Variants in ST6GALNAC3 observed in about 807,000 individuals in gnomAD.
ST6GALNAC3 encodes ST6 N-acetylgalactosaminide alpha-2,6-sialyltransferase 3, also known as alpha-N-acetylgalactosaminide alpha-2,6-sialyltransferase 3.
ST6GALNAC3 carries 25 observed loss-of-function variants against 32.7 expected under a neutral mutation model. That is an observed-to-expected ratio of 0.76 (90% CI 0.56 to 1.07). ST6GALNAC3 has a LOEUF of 1.07. Among genes scored for constraint, ST6GALNAC3 ranks in the 50% least tolerant of loss-of-function variants. ST6GALNAC3 has a pLI of 0.00. For missense variants in ST6GALNAC3, 355 were observed against 382.4 expected (o/e 0.93, Z 0.60); for synonymous variants, 129 against 133.1 (o/e 0.97, Z 0.21).
chr1:76,347,141 T>G (rs1040956373), intron 2 of ST6GALNAC3, among the ~76,000 whole-genome samples: 1 of 152,152 alleles, frequency 6.6e-6, no homozygotes, highest in Non-Finnish European at 1.5e-5. Flanking sequence ...CTGATTACAG[T>G]CTAGCCTCTG....
At chr1:76,130,480 T>C (rs1340552535) in intron 1 of ST6GALNAC3, among the ~76,000 whole-genome samples, 1 of 152,192 alleles carries the variant, frequency 6.6e-6, no homozygotes, top group African/African-American at 2.4e-5. Context: ...AGCTAGAACC[T>C]CTTCAACATG....
chr1:76,238,245 C>T (rs901370772), intron 1 of ST6GALNAC3, among the ~76,000 whole-genome samples: 2 of 152,084 alleles, frequency 1.3e-5, no homozygotes, highest in Admixed American at 6.5e-5. Context: ...CATATCCTGC[C>T]GTGCTCTTTG....
At chr1:76,381,855 G>A (rs12089135) in intron 2 of ST6GALNAC3, among the ~76,000 whole-genome samples, 28,503 of 152,044 alleles carry the variant, frequency 0.19, 3,350 homozygotes, top group Admixed American at 0.3. Flanking sequence ...AATTCTGCAC[G>A]TGACTTTCCC....
chr1:76,112,315 C>T (rs1451071331), intron 1 of ST6GALNAC3, among the ~76,000 whole-genome samples: 1 of 139,384 alleles, frequency 7.2e-6, no homozygotes, highest in Non-Finnish European at 1.6e-5. Flanking sequence ...CCAGTAGGGG[C>T]GGCCGGGCAG....
At chr1:76,499,163 CTT>C (rs1466642567) in intron 3 of ST6GALNAC3, among the ~76,000 whole-genome samples, 1 of 152,116 alleles carries the variant, frequency 6.6e-6, no homozygotes, top group Non-Finnish European at 1.5e-5. Context: ...ATGCCACTGA[CTT>C]ATCATTTTTC....
chr1:76,194,796 A>G (rs1462217389), intron 1 of ST6GALNAC3, among the ~76,000 whole-genome samples: 1 of 152,220 alleles, frequency 6.6e-6, no homozygotes, highest in African/African-American at 2.4e-5. Context: ...GCAAAACTCC[A>G]ATTGGTAGTT....
At chr1:76,405,155 G>A (rs1386038243) in intron 2 of ST6GALNAC3, among the ~76,000 whole-genome samples, 2 of 152,124 alleles carry the variant, frequency 1.3e-5, no homozygotes, top group East Asian at 3.9e-4. Context: ...AATTTTGGGT[G>A]ACCTTTTCTA....
In ST6GALNAC3 at chr1:76,435,859, A is replaced by AT. The variant is rs111418233; in HGVS notation, c.623+23453dup. On this transcript the variant is annotated intron_variant, in intron 3 of 4. Transcript: ENST00000328299. ...TTATGCTTCAATCTTTTCTTTTTTT[A>AT]TTTTTTTTTTTAATGTTTTATTTCC... is the stretch of plus-strand genomic sequence containing the variant. Among the ~76,000 whole-genome samples the AT allele has an allele frequency of 4.1e-4, 47 of 114,958 alleles. No individual in the cohort carries two copies. The East Asian group carries it at 4.5e-3, about 11-fold the overall frequency. The allele number at this position is 114,958 out of a possible 152,430, so 75.4% of individuals were successfully genotyped here. A position where few individuals can be genotyped will look rare whatever the true frequency, so the allele number is the denominator to read the frequency against.
intron 1 of ST6GALNAC3, among the ~76,000 whole-genome samples, chr1:76,167,212 A>G (rs999906115): frequency 1.3e-5 from 2 of 152,108 alleles, no homozygotes; most frequent in Non-Finnish European, 2.9e-5. Flanking sequence ...ACATGAAGGG[A>G]TGTTGAATTT....
intron 1 of ST6GALNAC3, among the ~76,000 whole-genome samples, chr1:76,140,276 A>G (rs1650230879): frequency 6.6e-6 from 1 of 152,172 alleles, no homozygotes; most frequent in Admixed American, 6.5e-5. Flanking sequence ...AAGGTATTTC[A>G]TTAACACTGT....
Position 76,537,252 on chromosome 1 carries a change from G to A in ST6GALNAC3, c.624-90200G>A, listed in dbSNP as rs181750963. 2.0e-3 allele frequency among the ~76,000 whole-genome samples: 299 copies of A among 152,182 alleles called. 3 individuals carry two copies. The highest frequency in any genetic ancestry group is 6.9e-4 in the Non-Finnish European group (47 of 67,980). On this transcript the variant is annotated intron_variant, in intron 3 of 4. Transcript: ENST00000328299. ...GATTAAATAAGGAAATTAAGACAGA[G>A]ATAAATAATTTCTTTAAAACCAATA...
chr1:76,575,831 C>CT lies in ST6GALNAC3; in HGVS notation c.624-51612dup, dbSNP rs201974818. Among the ~76,000 whole-genome samples the CT allele has an allele frequency of 6.0e-3, 914 of 151,298 alleles. 11 individuals carry two copies. The highest frequency in any genetic ancestry group is 0.02 in the African/African-American group (844 of 41,266). On this transcript the variant is annotated intron_variant, in intron 3 of 4. Transcript: ENST00000328299. ...TCTTTTCTATAAAGAACCAGATTTT[C>CT]TTTTTTTTTAAATAAGAGCTCCTGG...
intron 3 of ST6GALNAC3, among the ~76,000 whole-genome samples, chr1:76,490,740 T>C (rs2101690325): frequency 6.6e-6 from 1 of 152,182 alleles, no homozygotes; most frequent in East Asian, 1.9e-4. Context: ...AAGTGTCCAG[T>C]TCCACGTAAT....
At chr1:76,331,606 C>T (rs1647187722) in intron 2 of ST6GALNAC3, among the ~76,000 whole-genome samples, 1 of 152,160 alleles carries the variant, frequency 6.6e-6, no homozygotes. Context: ...TTTGTTTCAC[C>T]AATTACTTGC....
At chr1:76,359,559 A>G (rs1350328907) in intron 2 of ST6GALNAC3, among the ~76,000 whole-genome samples, 1 of 152,198 alleles carries the variant, frequency 6.6e-6, no homozygotes, top group Non-Finnish European at 1.5e-5. Flanking sequence ...GAGGTAGCAT[A>G]GTTCTGCCAA....
Position 76,547,529 on chromosome 1 carries a change from G to A in ST6GALNAC3, c.624-79923G>A, listed in dbSNP as rs186568179. The stretch of plus-strand genomic sequence containing the variant: ...TACCCTCTCAGACAAACCTTCCTAG[G>A]CAATGGAGGGGGTGTAGAAAAGGGT... On this transcript the variant is annotated intron_variant, in intron 3 of 4. Transcript: ENST00000328299. Among the ~76,000 whole-genome samples, 695 of 152,230 alleles carry A rather than the reference G, an allele frequency of 4.6e-3. 6 individuals are homozygous for A. Among genetic ancestry groups the A allele is most frequent in the Non-Finnish European group, 4.9e-3 (333 of 68,008 alleles).
chr1:76,156,438 C>G (rs529918018), intron 1 of ST6GALNAC3, among the ~76,000 whole-genome samples: 3 of 152,062 alleles, frequency 2.0e-5, no homozygotes, highest in Non-Finnish European at 4.4e-5. Context: ...TCTCTTCTTC[C>G]CCATTTATTT....
chr1:76,093,437 G>A (rs910817690), intron 1 of ST6GALNAC3, among the ~76,000 whole-genome samples: 1 of 152,168 alleles, frequency 6.6e-6, no homozygotes, highest in African/African-American at 2.4e-5. Flanking sequence ...CATGATCTAT[G>A]GCTAGAGCCT....
At chr1:76,568,221 A>T (rs1272122556) in intron 3 of ST6GALNAC3, among the ~76,000 whole-genome samples, 1 of 152,154 alleles carries the variant, frequency 6.6e-6, no homozygotes, top group African/African-American at 2.4e-5. Context: ...AGAGAGGTCT[A>T]GTGGCTTGCC....
Sources: allele counts gnomAD v4.1 joint callset (sites outside exome capture counted in the v4.1 genomes callset), GRCh38; gene constraint gnomAD v4.1.1; transcripts MANE v1.5; gene names NCBI Gene and HGNC (gene_info 2026-07-23, HGNC 2026-07-21).